NSG2: variants seen among roughly 807,000 people sequenced by gnomAD.
The protein encoded by NSG2 is neuronal vesicle trafficking-associated protein 2.
A neutral mutation model predicts 16.9 loss-of-function variants in NSG2; 4 were observed. The observed-to-expected ratio is 0.24, with a 90% confidence interval of 0.12 to 0.54. The LOEUF is 0.54. Ranked by LOEUF, NSG2 falls within the 20% of genes least tolerant of loss-of-function variation. NSG2 has a pLI of 0.95. For synonymous variants in NSG2, 98 were observed against 88.7 expected, an observed-to-expected ratio of 1.11 and a Z score of -0.59; for missense variants, 179 against 221.1, an observed-to-expected ratio of 0.81 and a Z score of 1.21.
chr5:174,075,694 T>C (rs1760329239), intron 3 of NSG2, among the ~76,000 whole-genome samples: 1 of 152,204 alleles, frequency 6.6e-6, no homozygotes, highest in Non-Finnish European at 1.5e-5. Context: ...TCTCCTGGCT[T>C]CCTCGCTCTC....
At chr5:174,084,385 A>G (rs1375148318) in intron 3 of NSG2, among the ~76,000 whole-genome samples, 2 of 152,226 alleles carry the variant, frequency 1.3e-5, no homozygotes, top group African/African-American at 4.8e-5. Flanking sequence ...ACCTACTGCA[A>G]CCAAGTCCTG....
intron 3 of NSG2, among the ~76,000 whole-genome samples, chr5:174,103,535 T>TGGGGCGCGGTGGTA (rs1321702500): frequency 6.6e-6 from 1 of 152,094 alleles, no homozygotes; most frequent in Non-Finnish European, 1.5e-5. Flanking sequence ...GCACCAGTGC[T>TGGGGCGCGGTGGTA]GGGGCGCGGT....
At chr5:174,052,088 G>C (rs192514548) in intron 2 of NSG2, among the ~76,000 whole-genome samples, 1 of 152,194 alleles carries the variant, frequency 6.6e-6, no homozygotes, top group African/African-American at 2.4e-5. Context: ...CAAGGGACAG[G>C]TTCAGTCTCA....
chr5:174,104,332 C>T lies in NSG2; in HGVS notation c.318C>T (p.Val106=), dbSNP rs1256243685. ...TYDHSCPEGF[V]YKHKRCIPAS... ...ATCACAGCTGCCCAGAGGGATTCGT[C>T]TATAAGGTAAGAGGTGGTTGAGTAG... is the stretch of plus-strand genomic sequence containing the variant. Residue 106 remains valine, a synonymous_variant, in exon 4 of 5, where the codon GTC becomes GTT. Transcript: ENST00000303177. 19 of 1,610,456 alleles carry T rather than the reference C, an allele frequency of 1.2e-5. No individual in the cohort carries two copies. Among genetic ancestry groups the T allele is most frequent in the Non-Finnish European group, 1.6e-5 (19 of 1,176,812 alleles).
intron 3 of NSG2, among the ~76,000 whole-genome samples, chr5:174,089,257 G>C (rs762140707): frequency 1.3e-4 from 20 of 152,186 alleles, no homozygotes; most frequent in Non-Finnish European, 2.9e-4. Flanking sequence ...CTGGGGTTGA[G>C]GCTCAGGGTG....
chr5:174,101,432 A>G (rs1760894515), intron 3 of NSG2, among the ~76,000 whole-genome samples: 1 of 152,190 alleles, frequency 6.6e-6, no homozygotes, highest in South Asian at 2.1e-4. Context: ...AGGAAACCCT[A>G]TACCCCTTAT....
intron 3 of NSG2, chr5:174,066,420 G>A (rs1302792682): frequency 5.5e-6 from 2 of 362,838 alleles, no homozygotes; most frequent in Non-Finnish European, 1.1e-5. Flanking sequence ...AATGTTTGCT[G>A]CAGTACTATC....
chr5:174,065,340 A>G (rs1253132961), intron 3 of NSG2, among the ~76,000 whole-genome samples: 2 of 151,894 alleles, frequency 1.3e-5, no homozygotes, highest in East Asian at 1.9e-4. Context: ...AAAAAAAAAA[A>G]GAAATAAGGA....
intron 3 of NSG2, among the ~76,000 whole-genome samples, chr5:174,092,410 A>G (rs1041161205): frequency 3.3e-5 from 5 of 152,146 alleles, no homozygotes; most frequent in African/African-American, 1.2e-4. Flanking sequence ...CATCAGCAAA[A>G]CCCTTAAAGG....
chr5:174,065,306 T>G (rs1435513716), intron 3 of NSG2, among the ~76,000 whole-genome samples: 1 of 148,222 alleles, frequency 6.7e-6, no homozygotes, highest in African/African-American at 2.5e-5. Flanking sequence ...CCAGCCTGGA[T>G]GACAGAGCAA....
At chr5:174,068,111 G>A (rs538270390) in intron 3 of NSG2, among the ~76,000 whole-genome samples, 60 of 152,248 alleles carry the variant, frequency 3.9e-4, no homozygotes, top group Middle Eastern at 3.4e-3. Context: ...TATATTGCCC[G>A]GGGCTGAGGG....
chr5:174,098,318 C>T (rs1195025411), intron 3 of NSG2, among the ~76,000 whole-genome samples: 1 of 152,076 alleles, frequency 6.6e-6, no homozygotes, highest in African/African-American at 2.4e-5. Flanking sequence ...GATGTTACCC[C>T]GACAGCACCA....
At chr5:174,066,164 G>A in intron 3 of NSG2, 1 of 456,166 alleles carries the variant, frequency 2.2e-6, no homozygotes, top group Non-Finnish European at 4.4e-6. Context: ...CCTCCTCTTG[G>A]AGAGCAGTGG....
intron 3 of NSG2, among the ~76,000 whole-genome samples, chr5:174,096,428 T>A (rs1455245629): frequency 6.6e-6 from 1 of 151,892 alleles, no homozygotes; most frequent in Non-Finnish European, 1.5e-5. Flanking sequence ...AGCTGCAAGA[T>A]CATGGGGGTG....
At chr5:174,105,010 C>T (rs1362490588) in intron 4 of NSG2, among the ~76,000 whole-genome samples, 1 of 146,056 alleles carries the variant, frequency 6.8e-6, no homozygotes, top group African/African-American at 2.7e-5. Context: ...GAGTCTGTTT[C>T]AGAGTGAACA....
At chr5:174,068,541 G>GTC (rs1554100885) in intron 3 of NSG2, among the ~76,000 whole-genome samples, 2 of 150,534 alleles carry the variant, frequency 1.3e-5, no homozygotes, top group African/African-American at 4.9e-5. Context: ...AGGTGCTGGT[G>GTC]ATGTTGGGGG....
intron 2 of NSG2, among the ~76,000 whole-genome samples, chr5:174,049,324 A>C (rs1046549416): frequency 7.2e-5 from 11 of 152,112 alleles, no homozygotes; most frequent in African/African-American, 2.7e-4. Flanking sequence ...TGGGCGACAG[A>C]GCGAGACACT....
chr5:174,053,666 A>G (rs1463876439), intron 2 of NSG2, among the ~76,000 whole-genome samples: 1 of 152,220 alleles, frequency 6.6e-6, no homozygotes, highest in Non-Finnish European at 1.5e-5. Flanking sequence ...TTGGGACAAC[A>G]TCTCTGATTA....
chr5:174,076,744 T>G (rs1010445828), intron 3 of NSG2, among the ~76,000 whole-genome samples: 1 of 152,166 alleles, frequency 6.6e-6, no homozygotes, highest in Non-Finnish European at 1.5e-5. Context: ...TGGCAATATC[T>G]GGAGACAGTT....
Sources: gnomAD v4.1 joint callset for allele counts (sites outside exome capture counted in the v4.1 genomes callset) on GRCh38, gnomAD v4.1.1 for gene constraint, MANE v1.5 for transcripts, NCBI Gene and HGNC (gene_info 2026-07-23, HGNC 2026-07-21) for gene names.